The following PDHX variants were observed in gnomAD, a reference collection of about 807,000 sequenced individuals.
PDHX encodes the protein pyruvate dehydrogenase protein X component, mitochondrial.
PDHX carries 33 observed loss-of-function variants against 55.3 expected under a neutral mutation model. That is an observed-to-expected ratio of 0.60 (90% CI 0.45 to 0.80). The LOEUF is 0.80. PDHX is among the 30% of genes least tolerant of loss of function. The pLI is 0.00. For missense variants in PDHX, 622 were observed against 619.9 expected, an observed-to-expected ratio of 1.00 and a Z score of -0.04; for synonymous variants, 226 against 219.4, an observed-to-expected ratio of 1.03 and a Z score of -0.27.
At position 34,927,499 on chromosome 11, in the gene PDHX, A is replaced by C. The variant is rs576660061; in HGVS notation, c.161-3905A>C. ...TTCCAAGGAGTCTAGAAAAGTCTACACTATCTTAGTAGAGTTGACAGCAGC... is the reference window on the plus strand; with the variant it reads ...TTCCAAGGAGTCTAGAAAAGTCTACCCTATCTTAGTAGAGTTGACAGCAGC... On this transcript the variant is annotated intron_variant, in intron 1 of 10. Coordinates refer to ENST00000227868, the MANE Select transcript of PDHX (RefSeq NM_003477.3). Among the ~76,000 whole-genome samples, 12 of 152,218 alleles carry C rather than the reference A, an allele frequency of 7.9e-5. No homozygotes were observed. The East Asian group carries it at 1.9e-3, about 24-fold the overall frequency.
intron 6 of PDHX, among the ~76,000 whole-genome samples, chr11:34,968,037 A>G (rs1855172041): frequency 6.6e-6 from 1 of 152,112 alleles, no homozygotes; most frequent in African/African-American, 2.4e-5. Context: ...TGGGAGGCTG[A>G]GGTGGGAGGA....
chr11:34,956,331 T>G (rs1164321008), intron 3 of PDHX, among the ~76,000 whole-genome samples: 5 of 152,162 alleles, frequency 3.3e-5, no homozygotes, highest in African/African-American at 1.2e-4. Context: ...AACATACCAG[T>G]AAGCATTGAA....
intron 2 of PDHX, among the ~76,000 whole-genome samples, chr11:34,943,521 G>A (rs1246779976): frequency 6.6e-6 from 1 of 152,134 alleles, no homozygotes; most frequent in Non-Finnish European, 1.5e-5. Flanking sequence ...AGAAATCTTT[G>A]AGGGTGTGCT....
chr11:34,986,387 A>T (rs894337879), intron 9 of PDHX, among the ~76,000 whole-genome samples: 15 of 151,834 alleles, frequency 9.9e-5, no homozygotes, highest in African/African-American at 3.6e-4. Context: ...GTTTACTGAG[A>T]TATAGTATGT....
At chr11:34,982,968 A>C (rs906286789) in intron 8 of PDHX, among the ~76,000 whole-genome samples, 3 of 152,108 alleles carry the variant, frequency 2.0e-5, no homozygotes, top group African/African-American at 2.4e-5. Flanking sequence ...GAGACACAAC[A>C]AAAAAAGAGA....
intron 9 of PDHX, 60 bp from the exon 10 acceptor site, chr11:34,992,255 T>G: frequency 1.1e-6 from 1 of 938,024 alleles, no homozygotes. Flanking sequence ...ATATTTCAAG[T>G]GACAAGATCA....
intron 5 of PDHX, among the ~76,000 whole-genome samples, chr11:34,961,474 T>C (rs1413251032): frequency 6.8e-6 from 1 of 147,676 alleles, no homozygotes; most frequent in Non-Finnish European, 1.5e-5. Flanking sequence ...TAAAGCAATG[T>C]ACTCATTCCA....
intron 2 of PDHX, among the ~76,000 whole-genome samples, chr11:34,938,733 T>C (rs1374123485): frequency 6.6e-6 from 1 of 152,234 alleles, no homozygotes; most frequent in Non-Finnish European, 1.5e-5. Context: ...AATAAGTTAT[T>C]CACACCCGTT....
intron 3 of PDHX, among the ~76,000 whole-genome samples, chr11:34,952,068 A>G (rs1347416922): frequency 2.0e-5 from 3 of 152,204 alleles, no homozygotes; most frequent in East Asian, 3.8e-4. Context: ...AAACACCTCT[A>G]CACAAATAAA....
intron 10 of PDHX, among the ~76,000 whole-genome samples, chr11:34,993,294 C>A (rs1052451157): frequency 6.6e-6 from 1 of 151,886 alleles, no homozygotes; most frequent in Non-Finnish European, 1.5e-5. Flanking sequence ...AACGGAAGTT[C>A]TGAGTTTTAA....
At position 34,984,692 on chromosome 11, in the gene PDHX, T is replaced by G; in HGVS notation, c.1146T>G (p.Ala382=). ...TTACTCCAATCATAAAAGATGCTGC[T>G]GCTAAAGGTATCCAGGAAATTGCTG... The part of the protein sequence containing the change: ...GLLTPIIKDA[A]AKGIQEIADS... Residue 382 remains alanine, a synonymous_variant, in exon 9 of 11, where the codon GCT becomes GCG. Coordinates refer to ENST00000227868, the MANE Select transcript of PDHX (RefSeq NM_003477.3). The G allele has an allele frequency of 6.2e-7, 1 of 1,614,110 alleles. No individual in the cohort carries two copies. Among genetic ancestry groups the G allele is most frequent in the East Asian group, 2.2e-5 (1 of 44,868 alleles).
At chr11:34,940,426 A>G (rs538700834) in intron 2 of PDHX, among the ~76,000 whole-genome samples, 30 of 152,338 alleles carry the variant, frequency 2.0e-4, no homozygotes, top group African/African-American at 6.5e-4. Flanking sequence ...TCTGGATTCT[A>G]CTATAGAAGA....
chr11:34,936,801 T>TGTTTTG (rs1377997315), intron 2 of PDHX, among the ~76,000 whole-genome samples: 78 of 133,990 alleles, frequency 5.8e-4, no homozygotes, highest in Non-Finnish European at 1.1e-3. Context: ...TTTTTTTTTT[T>TGTTTTG]TTTTCTGAGA....
chr11:34,964,269 A>G (rs12281384), intron 5 of PDHX, among the ~76,000 whole-genome samples: 2,211 of 152,332 alleles, frequency 0.015, 46 homozygotes, highest in African/African-American at 0.051. Flanking sequence ...TTACTAAACA[A>G]TAATTAAGAT....
At chr11:34,932,903 A>G (rs1211097732) in intron 2 of PDHX, among the ~76,000 whole-genome samples, 1 of 152,248 alleles carries the variant, frequency 6.6e-6, no homozygotes, top group Non-Finnish European at 1.5e-5. Flanking sequence ...GTAAAAAGGA[A>G]TGAGGAATAT....
At chr11:34,959,240 A>G (rs1413679233) in intron 4 of PDHX, among the ~76,000 whole-genome samples, 4 of 152,222 alleles carry the variant, frequency 2.6e-5, no homozygotes, top group African/African-American at 9.6e-5. Context: ...AAACAACCCA[A>G]TTAAAAAACA....
At chr11:34,919,128 A>G (rs1310679637) in intron 1 of PDHX, among the ~76,000 whole-genome samples, 2 of 152,216 alleles carry the variant, frequency 1.3e-5, no homozygotes, top group Non-Finnish European at 2.9e-5. Context: ...AGCTGTGGAA[A>G]GTATTTGGAA....
intron 2 of PDHX, among the ~76,000 whole-genome samples, chr11:34,934,639 G>A (rs761325747): frequency 7.1e-5 from 10 of 141,502 alleles, no homozygotes; most frequent in Non-Finnish European, 1.4e-4. Flanking sequence ...GTATAATGGC[G>A]CGATCTCTGC....
intron 3 of PDHX, among the ~76,000 whole-genome samples, chr11:34,952,015 C>T (rs150497254): frequency 0.076 from 11,487 of 152,000 alleles, 448 homozygotes; most frequent in African/African-American, 0.092. Flanking sequence ...TGTAGATATG[C>T]GGCGTTATTT....
Sources: allele counts gnomAD v4.1 joint callset (sites outside exome capture counted in the v4.1 genomes callset), GRCh38; gene constraint gnomAD v4.1.1; transcripts MANE v1.5; gene names NCBI Gene and HGNC (gene_info 2026-07-23, HGNC 2026-07-21).